Variants in BACH2 observed in about 807,000 individuals in gnomAD.
BACH2 encodes transcription regulator protein BACH2.
A neutral mutation model predicts 61.8 loss-of-function variants in BACH2; 5 were observed. The ratio of observed to expected loss-of-function variants is 0.08; its 90% CI spans 0.04 to 0.17. The LOEUF is 0.17. BACH2 is among the 10% of genes least tolerant of loss of function. The probability of loss-of-function intolerance (pLI) is 1.00; values close to 1 mark genes in which losing one functional copy is unlikely to be tolerated. For synonymous variants in BACH2, 446 were observed against 440.1 expected (o/e 1.01, Z -0.17); for missense variants, 824 against 1,091.1 (o/e 0.76, Z 3.45).
intron 4 of BACH2, among the ~76,000 whole-genome samples, chr6:90,106,906 G>A (rs185998870): frequency 1.3e-5 from 2 of 152,360 alleles, no homozygotes; most frequent in South Asian, 2.1e-4. Flanking sequence ...ATACATGGTA[G>A]GGAGTAAGTG....
At chr6:90,132,132 A>G (rs1448167320) in intron 4 of BACH2, among the ~76,000 whole-genome samples, 1 of 152,220 alleles carries the variant, frequency 6.6e-6, no homozygotes, top group Non-Finnish European at 1.5e-5. Context: ...GGTAGATGTT[A>G]AGAGAGGAAG....
chr6:90,267,418 C>A (rs1169723020), intron 2 of BACH2, among the ~76,000 whole-genome samples: 1 of 152,144 alleles, frequency 6.6e-6, no homozygotes, highest in Non-Finnish European at 1.5e-5. Context: ...ACTCCTAACA[C>A]CTGGCAGGGG....
chr6:90,260,144 T>C (rs985697318), intron 2 of BACH2, among the ~76,000 whole-genome samples: 14 of 152,200 alleles, frequency 9.2e-5, no homozygotes, highest in Non-Finnish European at 1.9e-4. Flanking sequence ...TGTCACACTA[T>C]TCATTTGAGA....
intron 5 of BACH2, among the ~76,000 whole-genome samples, chr6:90,075,353 CAT>C (rs1781427036): frequency 6.6e-6 from 1 of 152,150 alleles, no homozygotes; most frequent in Non-Finnish European, 1.5e-5. Flanking sequence ...AAACATTTTA[CAT>C]GATGCCTTTT....
At chr6:90,005,639 G>A (rs569089243) in intron 6 of BACH2, among the ~76,000 whole-genome samples, 2 of 152,316 alleles carry the variant, frequency 1.3e-5, no homozygotes, top group East Asian at 1.9e-4. Context: ...CCACAGGCAG[G>A]TGCCCTGAGC....
intron 4 of BACH2, chr6:90,116,990 T>C (rs207268): frequency 0.52 from 193,344 of 371,810 alleles, 52,113 homozygotes; most frequent in African/African-American, 0.63. Context: ...GCTCCTTCTT[T>C]CTCTGGCACA....
chr6:90,111,002 G>A (rs1347777578), intron 4 of BACH2, among the ~76,000 whole-genome samples: 1 of 152,178 alleles, frequency 6.6e-6, no homozygotes, highest in East Asian at 1.9e-4. Context: ...CTGTTCTATT[G>A]TAAGCATGTG....
intron 5 of BACH2, among the ~76,000 whole-genome samples, chr6:90,014,364 G>A (rs1223851574): frequency 2.1e-5 from 3 of 142,376 alleles, no homozygotes; most frequent in African/African-American, 5.2e-5. Flanking sequence ...TCTGAGCTGG[G>A]ATAGTCTTTA....
chr6:90,032,097 C>A (rs866722605), intron 5 of BACH2, among the ~76,000 whole-genome samples: 4,982 of 151,932 alleles, frequency 0.033, 109 homozygotes, highest in Non-Finnish European at 0.034. Flanking sequence ...CAAAAACAAG[C>A]AATGGGGAAA....
Position 90,056,189 on chromosome 6 carries a change from G to A in BACH2, c.-13+32772C>T, listed in dbSNP as rs967970991. 5.9e-5 allele frequency among the ~76,000 whole-genome samples: 9 copies of A among 152,282 alleles called. No homozygotes were observed. The East Asian group carries it at 1.2e-3, about 20-fold the overall frequency. On this transcript the variant is annotated intron_variant, in intron 5 of 8. Transcript: ENST00000257749. ...GACACAGACTGGCAAATTGGATAAA[G>A]AGTCAAGACCTATCAGTGTGCTGTA...
intron 6 of BACH2, among the ~76,000 whole-genome samples, chr6:89,958,826 T>C (rs768838220): frequency 1.3e-5 from 2 of 152,140 alleles, no homozygotes; most frequent in Non-Finnish European, 2.9e-5. Flanking sequence ...TTCCGGCTTT[T>C]CCTCAAACGC....
At chr6:90,179,443 T>C (rs1020345167) in intron 4 of BACH2, among the ~76,000 whole-genome samples, 13 of 152,166 alleles carry the variant, frequency 8.5e-5, no homozygotes, top group Non-Finnish European at 1.3e-4. Context: ...CCTTTCTTTT[T>C]CTTAACTTGA....
intron 4 of BACH2, among the ~76,000 whole-genome samples, chr6:90,139,265 A>G (rs1784384321): frequency 6.6e-6 from 1 of 152,136 alleles, no homozygotes; most frequent in African/African-American, 2.4e-5. Flanking sequence ...ATCCTCTGCC[A>G]TGTTCCTCAT....
intron 4 of BACH2, among the ~76,000 whole-genome samples, chr6:90,107,809 ACATGAAAGAG>A (rs1214494129): frequency 6.6e-6 from 1 of 151,998 alleles, no homozygotes; most frequent in African/African-American, 2.4e-5. Context: ...GCAAAGGAGC[ACATGAAAGAG>A]AACTGTGCTC....
At chr6:90,173,813 T>C (rs1312664962) in intron 4 of BACH2, among the ~76,000 whole-genome samples, 2 of 152,144 alleles carry the variant, frequency 1.3e-5, no homozygotes, top group East Asian at 1.9e-4. Flanking sequence ...ATATGTGAGT[T>C]TGATCATATG....
chr6:90,219,981 A>G (rs1396773031), intron 3 of BACH2, among the ~76,000 whole-genome samples: 1 of 151,922 alleles, frequency 6.6e-6, no homozygotes, highest in Non-Finnish European at 1.5e-5. Context: ...TTTTCCGCCT[A>G]AACAGCCCAC....
At chr6:90,061,694 G>C (rs1780693081) in intron 5 of BACH2, among the ~76,000 whole-genome samples, 1 of 152,036 alleles carries the variant, frequency 6.6e-6, no homozygotes, top group African/African-American at 2.4e-5. Context: ...CAGCAGTGGT[G>C]ATTGAGAAGG....
At chr6:90,161,323 T>G (rs182429446) in intron 4 of BACH2, among the ~76,000 whole-genome samples, 1 of 152,160 alleles carries the variant, frequency 6.6e-6, no homozygotes, top group African/African-American at 2.4e-5. Context: ...GTACTAATGA[T>G]TTGCAAATCA....
intron 1 of BACH2, among the ~76,000 whole-genome samples, chr6:90,295,312 C>G (rs561169776): frequency 6.6e-6 from 1 of 152,262 alleles, no homozygotes; most frequent in South Asian, 2.1e-4. Context: ...GCTGGGGATG[C>G]CCCATGCGCC....
Sources: allele counts gnomAD v4.1 joint callset (sites outside exome capture counted in the v4.1 genomes callset), GRCh38; gene constraint gnomAD v4.1.1; transcripts MANE v1.5; gene names NCBI Gene and HGNC (gene_info 2026-07-23, HGNC 2026-07-21).